Variants in EIF5B observed in about 807,000 individuals in gnomAD.
EIF5B encodes eukaryotic translation initiation factor 5B, also known as eIF-5B.
Under a neutral mutation model 147.5 loss-of-function variants are expected in EIF5B, and 47 were observed. The ratio of observed to expected loss-of-function variants is 0.32; its 90% confidence interval spans 0.25 to 0.41. The LOEUF (loss-of-function observed/expected upper bound fraction) is 0.41, where lower values mean the gene tolerates loss of function less well. EIF5B is among the 10% of genes least tolerant of loss of function. The probability of loss-of-function intolerance (pLI) is 1.00; values close to 1 mark genes in which losing one functional copy is unlikely to be tolerated. For missense variants in EIF5B, 1,064 were observed against 1,413.2 expected (o/e 0.75, Z 3.96); for synonymous variants, 455 against 456.2 (o/e 1.00, Z 0.03).
chr2:99,360,794 CTG>C (rs1559248177), intron 3 of EIF5B, among the ~76,000 whole-genome samples: 1 of 152,194 alleles, frequency 6.6e-6, no homozygotes, highest in Non-Finnish European at 1.5e-5. Flanking sequence ...TCAGTTTTCT[CTG>C]TTGTTTCTTT....
chr2:99,356,953 A>C (rs1163252832), intron 1 of EIF5B, among the ~76,000 whole-genome samples: 1 of 152,084 alleles, frequency 6.6e-6, no homozygotes, highest in East Asian at 1.9e-4. Context: ...GTTATTGTTG[A>C]GTTTTAAGAG....
At chr2:99,360,999 T>C in intron 3 of EIF5B, 149 bp from the exon 4 acceptor site, 1 of 880,546 alleles carries the variant, frequency 1.1e-6, no homozygotes, top group Non-Finnish European at 1.6e-6. Flanking sequence ...CTCTCTTGCT[T>C]GTTTGAATTT....
chr2:99,370,999 A>C (rs539498315), intron 8 of EIF5B: 2 of 152,326 alleles, frequency 1.3e-5, no homozygotes, highest in Non-Finnish European at 2.9e-5. Flanking sequence ...AAAAGAAGAT[A>C]TATATGAAAT....
chr2:99,376,380 A>G lies in EIF5B; in HGVS notation c.1586A>G (p.Glu529Gly). ...EGNKVHIEVK[E>G]NPEEEEEEEE... ...AACAAAGTTCATATAGAAGTAAAAGAAAACCCTGAAGAGGAGGAGGAGGAG... is the reference window on the plus strand; with the variant it reads ...AACAAAGTTCATATAGAAGTAAAAGGAAACCCTGAAGAGGAGGAGGAGGAG... The change falls in exon 10 of 24, where the codon GAA becomes GGA. Residue 529 changes from glutamate to glycine, a missense_variant. By Grantham distance (98) the Glu-to-Gly change is moderately conservative. This residue lies in a region of EIF5B where 195 missense variants were observed against 186.3 expected (regional missense o/e 1.05). Transcript: ENST00000289371. The G allele has an allele frequency of 6.6e-7, 1 of 1,503,902 alleles. No individual in the cohort carries two copies. The highest frequency in any genetic ancestry group is 9.1e-7 in the Non-Finnish European group (1 of 1,100,238). 93.2% of individuals were successfully genotyped at this position (1,503,902 alleles called of 1,614,324 possible).
intron 14 of EIF5B, among the ~76,000 whole-genome samples, chr2:99,387,536 C>T (rs1292558942): frequency 6.6e-6 from 1 of 152,188 alleles, no homozygotes; most frequent in Non-Finnish European, 1.5e-5. Flanking sequence ...TATGCCACTA[C>T]TACCCTGTCT....
chr2:99,397,978 C>G (rs1675094749), intron 22 of EIF5B: 1 of 150,796 alleles, frequency 6.6e-6, no homozygotes, highest in South Asian at 2.1e-4. Context: ...TTTTGATACT[C>G]AGATTTTCTA....
intron 10 of EIF5B, among the ~76,000 whole-genome samples, chr2:99,376,870 T>G (rs1674578562): frequency 6.6e-6 from 1 of 152,144 alleles, no homozygotes; most frequent in Non-Finnish European, 1.5e-5. Flanking sequence ...TTTTTTCTTG[T>G]TTTCTCCAAA....
chr2:99,384,785 T>A (rs1377823879), intron 14 of EIF5B, among the ~76,000 whole-genome samples: 1 of 152,208 alleles, frequency 6.6e-6, no homozygotes, highest in African/African-American at 2.4e-5. Context: ...CCAGAAGATG[T>A]AGCTGAATTG....
At chr2:99,348,790 A>G (rs548564825) in intron 1 of EIF5B, among the ~76,000 whole-genome samples, 63 of 152,302 alleles carry the variant, frequency 4.1e-4, no homozygotes, top group South Asian at 1.7e-3. Flanking sequence ...GGGACGGAGG[A>G]AGGAGTGGTG....
intron 1 of EIF5B, among the ~76,000 whole-genome samples, chr2:99,357,159 A>G (rs1388543955): frequency 1.3e-5 from 2 of 152,132 alleles, no homozygotes; most frequent in Non-Finnish European, 2.9e-5. Context: ...TTTATAATAA[A>G]TCTTAAAATT....
intron 15 of EIF5B, 101 bp from the exon 16 acceptor site, chr2:99,390,118 C>G (rs1674892872): frequency 7.3e-7 from 1 of 1,369,232 alleles, no homozygotes; most frequent in African/African-American, 1.4e-5. Context: ...TGAGGAGTTT[C>G]AAAATGATGA....
In EIF5B at chr2:99,394,410, C is replaced by T. The variant is rs757027120; in HGVS notation, c.3012+12C>T. ...CATCAGAAGTGCCCGTAAGTAACTA[C>T]AACTCGCTCCACAAGTGAATGGTGG... On this transcript the variant is annotated intron_variant, in intron 19 of 23. Coordinates refer to ENST00000289371, the MANE Select transcript of EIF5B (RefSeq NM_015904.4). The T allele has an allele frequency of 3.1e-6, 5 of 1,613,564 alleles. No homozygotes were observed. The African/African-American group carries it at 6.7e-5, about 22-fold the overall frequency.
chr2:99,371,528 G>A, intron 8 of EIF5B, 128 bp from the exon 9 acceptor site: 1 of 656,696 alleles, frequency 1.5e-6, no homozygotes. Context: ...GATAATAGCT[G>A]CATACATATT....
At chr2:99,389,589 A>G in intron 14 of EIF5B, 129 bp from the exon 15 acceptor site, 1 of 677,384 alleles carries the variant, frequency 1.5e-6, no homozygotes. Flanking sequence ...TTGGTACAAT[A>G]AAGTGTATGA....
At chr2:99,349,993 T>C (rs1574919526) in intron 1 of EIF5B, among the ~76,000 whole-genome samples, 1 of 152,186 alleles carries the variant, frequency 6.6e-6, no homozygotes, top group African/African-American at 2.4e-5. Context: ...CTCTTTACTT[T>C]TATGAAATCA....
At chr2:99,380,330 ATGTGAGCCAC>A (rs988813805) in intron 12 of EIF5B, among the ~76,000 whole-genome samples, 1 of 152,022 alleles carries the variant, frequency 6.6e-6, no homozygotes, top group African/African-American at 2.4e-5. Context: ...GGGATTACAG[ATGTGAGCCAC>A]TGTGCCCAGC....
At chr2:99,371,872 C>A in intron 9 of EIF5B, 142 bp downstream of exon 9, 1 of 674,284 alleles carries the variant, frequency 1.5e-6, no homozygotes, top group Non-Finnish European at 2.2e-6. Flanking sequence ...CTCTCCTTTG[C>A]CATGGTTTCT....
At chr2:99,342,574 T>A (rs905362545) in intron 1 of EIF5B, among the ~76,000 whole-genome samples, 2 of 152,130 alleles carry the variant, frequency 1.3e-5, no homozygotes, top group East Asian at 3.9e-4. Context: ...ATGTAATCAT[T>A]CCTCCCCCTC....
intron 8 of EIF5B, among the ~76,000 whole-genome samples, chr2:99,370,545 A>T (rs1193197099): frequency 3.3e-5 from 5 of 152,224 alleles, no homozygotes; most frequent in Non-Finnish European, 7.3e-5. Context: ...ATTTAGATTG[A>T]TATGCTTAAT....
Sources: gnomAD v4.1 joint callset for allele counts (sites outside exome capture counted in the v4.1 genomes callset) on GRCh38, gnomAD v4.1.1 for gene constraint, gnomAD v4.1.1 regional missense constraint, MANE v1.5 for transcripts, NCBI Gene and HGNC (gene_info 2026-07-23, HGNC 2026-07-21) for gene names.